Variants in UNC13B observed in about 807,000 individuals in gnomAD.
UNC13B encodes unc-13 homolog B, also known as protein unc-13 homolog B.
UNC13B carries 144 observed loss-of-function variants against 211.0 expected under a neutral mutation model. The ratio of observed to expected loss-of-function variants is 0.68; its 90% confidence interval spans 0.60 to 0.78. The LOEUF is 0.78. Ranked by LOEUF, UNC13B falls within the 30% of genes least tolerant of loss-of-function variation. The pLI is 0.00. For synonymous variants in UNC13B, 709 were observed against 725.8 expected (o/e 0.98, Z 0.37); for missense variants, 1,777 against 2,002.0 (o/e 0.89, Z 2.14).
Position 35,400,418 on chromosome 9 carries a change from C to G in UNC13B, c.12459C>G (p.Thr4153=). The change falls in exon 37 of 40, where the codon ACC becomes ACG. Residue 4153 remains threonine, a synonymous_variant. Transcript: ENST00000635942. ...YTQTTDTLIK[T]FVRSQTTQGS... is the part of the protein sequence containing the mutation. Reference sequence around the variant, plus strand: ...AGACTACTGACACTCTCATCAAGACCTTTGTGCGCTCGCAGACCACCCAAG... The same window carrying G: ...AGACTACTGACACTCTCATCAAGACGTTTGTGCGCTCGCAGACCACCCAAG... 6.2e-7 allele frequency: 1 copy of G among 1,613,718 alleles called. No homozygotes were observed. Among genetic ancestry groups the G allele is most frequent in the Non-Finnish European group, 8.5e-7 (1 of 1,179,810 alleles).
At chr9:35,171,911 A>G (rs960041144) in intron 1 of UNC13B, among the ~76,000 whole-genome samples, 1 of 152,220 alleles carries the variant, frequency 6.6e-6, no homozygotes, top group Non-Finnish European at 1.5e-5. Flanking sequence ...AGCAGGAGTG[A>G]TTTAGATTAA....
chr9:35,359,567 C>T (rs1246172465), intron 11 of UNC13B, among the ~76,000 whole-genome samples: 1 of 152,194 alleles, frequency 6.6e-6, no homozygotes, highest in Non-Finnish European at 1.5e-5. Context: ...GAAGCCCCTG[C>T]CAAACCTGCC....
chr9:35,177,109 A>G (rs969544369), intron 1 of UNC13B, among the ~76,000 whole-genome samples: 1 of 152,050 alleles, frequency 6.6e-6, no homozygotes, highest in African/African-American at 2.4e-5. Context: ...ACGAAACCCC[A>G]TCTCTATTTA....
At chr9:35,329,564 T>C (rs1261073743) in intron 11 of UNC13B, among the ~76,000 whole-genome samples, 1 of 151,904 alleles carries the variant, frequency 6.6e-6, no homozygotes, top group African/African-American at 2.4e-5. Context: ...CTTGGCTCAC[T>C]ACAGCCTCCA....
chr9:35,273,764 C>T (rs1406584765), intron 7 of UNC13B, among the ~76,000 whole-genome samples: 2 of 152,222 alleles, frequency 1.3e-5, no homozygotes, highest in Admixed American at 6.5e-5. Flanking sequence ...CTCATTTTCA[C>T]ACCTACCAGA....
intron 3 of UNC13B, among the ~76,000 whole-genome samples, chr9:35,233,344 C>G (rs916676342): frequency 1.3e-5 from 2 of 152,174 alleles, no homozygotes; most frequent in Admixed American, 1.3e-4. Context: ...TCCCATAGCA[C>G]TTCCCCTTTT....
intron 1 of UNC13B, among the ~76,000 whole-genome samples, chr9:35,166,880 C>T (rs1587271145): frequency 6.6e-6 from 1 of 152,082 alleles, no homozygotes; most frequent in South Asian, 2.1e-4. Context: ...TAGCATTCTT[C>T]AGCTTTTTTT....
intron 13 of UNC13B, 142 bp from the exon 14 acceptor site, chr9:35,374,985 G>A (rs2149368): frequency 0.22 from 176,313 of 811,682 alleles, 20,590 homozygotes; most frequent in South Asian, 0.29. Context: ...TCACCTGTTA[G>A]GGCGGTTGCT....
At chr9:35,162,407 CG>C in intron 1 of UNC13B, 102 bp downstream of exon 1, 1 of 1,381,960 alleles carries the variant, frequency 7.2e-7, no homozygotes, top group South Asian at 1.4e-5. Flanking sequence ...CTTTACATCC[CG>C]TCCGTGCTTT....
At chr9:35,390,510 T>G (rs1410666219) in intron 25 of UNC13B, 119 bp from the exon 26 acceptor site, 20 of 1,136,780 alleles carry the variant, frequency 1.8e-5, no homozygotes, top group Non-Finnish European at 2.5e-5. Flanking sequence ...CTAGCCCTGT[T>G]CCCTAAGCAT....
intron 11 of UNC13B, among the ~76,000 whole-genome samples, chr9:35,347,218 T>G (rs1448613431): frequency 1.3e-5 from 2 of 152,230 alleles, no homozygotes; most frequent in Non-Finnish European, 2.9e-5. Context: ...TTATAACTTT[T>G]ATTATAATAT....
intron 22 of UNC13B, chr9:35,385,250 G>A: frequency 1.0e-6 from 1 of 985,442 alleles, no homozygotes; most frequent in Non-Finnish European, 1.2e-6. Context: ...TCTGCTGGCT[G>A]CAGAACAGTA....
rs1319533400 is a variant in UNC13B, at chr9:35,252,499, G to A, written c.469-6494G>A. On this transcript the variant is annotated intron_variant, in intron 6 of 39. Coordinates refer to ENST00000635942, the MANE Select transcript of UNC13B (RefSeq NM_001371189.2). Reference sequence around the variant, plus strand: ...TTTGTATTTTTTTTATAGTGACAGGGTTTCACCTTGTTGCCCAGGCTGGTC... The same window carrying A: ...TTTGTATTTTTTTTATAGTGACAGGATTTCACCTTGTTGCCCAGGCTGGTC... Among the ~76,000 whole-genome samples the A allele has an allele frequency of 3.3e-5, 5 of 150,804 alleles. No homozygotes were observed. The East Asian group carries it at 1.0e-3, about 30-fold the overall frequency.
chr9:35,298,001 C>T (rs952117139), intron 8 of UNC13B, among the ~76,000 whole-genome samples: 4 of 152,074 alleles, frequency 2.6e-5, no homozygotes, highest in African/African-American at 9.7e-5. Context: ...ACTCTGTTTC[C>T]CCAATAGTCT....
At chr9:35,293,468 T>G (rs559387482) in intron 7 of UNC13B, among the ~76,000 whole-genome samples, 1 of 152,322 alleles carries the variant, frequency 6.6e-6, no homozygotes, top group South Asian at 2.1e-4. Context: ...CTGGGTTATG[T>G]GCTAATACTT....
At chr9:35,350,085 G>A (rs949543034) in intron 11 of UNC13B, among the ~76,000 whole-genome samples, 1 of 152,180 alleles carries the variant, frequency 6.6e-6, no homozygotes, top group Non-Finnish European at 1.5e-5. Flanking sequence ...TAGCAGGACT[G>A]GAATATTAGT....
intron 37 of UNC13B, chr9:35,402,105 T>C: frequency 8.5e-7 from 1 of 1,175,324 alleles, no homozygotes; most frequent in Non-Finnish European, 1.2e-6. Flanking sequence ...GGGAACAAGC[T>C]GTCAAGGTTT....
At position 35,399,039 on chromosome 9, in the gene UNC13B, G is replaced by A; in HGVS notation, c.12074+5G>A. The A allele has an allele frequency of 1.2e-6, 2 of 1,613,876 alleles. No individual in the cohort carries two copies. On this transcript the variant is annotated splice_donor_5th_base_variant and intron_variant, in intron 33 of 39. Transcript: ENST00000635942. ...CATGGACTTCCTGGATGGCAAGTGAGTACAGCATTCAGGACTATCCTGTGG... is the reference window on the plus strand; with the variant it reads ...CATGGACTTCCTGGATGGCAAGTGAATACAGCATTCAGGACTATCCTGTGG...
chr9:35,184,336 C>T (rs112314456), intron 1 of UNC13B, among the ~76,000 whole-genome samples: 1,812 of 152,326 alleles, frequency 0.012, 20 homozygotes, highest in African/African-American at 0.033. Context: ...GTAATCTTAG[C>T]ACTTTGGGAG....
Sources: allele counts gnomAD v4.1 joint callset (sites outside exome capture counted in the v4.1 genomes callset), GRCh38; gene constraint gnomAD v4.1.1; transcripts MANE v1.5; gene names NCBI Gene and HGNC (gene_info 2026-07-23, HGNC 2026-07-21).